The following CCL2 variants were observed in gnomAD, a reference collection of about 807,000 sequenced individuals.
The protein encoded by CCL2 is C-C motif chemokine ligand 2.
In CCL2, 2 loss-of-function variants were observed where a neutral mutation model predicts 6.7. That is an observed-to-expected ratio of 0.30 (90% CI 0.12 to 0.94). The LOEUF is 0.94. Among genes scored for constraint, CCL2 ranks in the 40% least tolerant of loss-of-function variants. The pLI is 0.54. For synonymous variants in CCL2, 43 were observed against 45.2 expected, an observed-to-expected ratio of 0.95 and a Z score of 0.19; for missense variants, 89 against 119.3, an observed-to-expected ratio of 0.75 and a Z score of 1.18.
At chr17:34,256,154 T>C in intron 1 of CCL2, 68 bp from the exon 2 acceptor site, 1 of 1,104,740 alleles carries the variant, frequency 9.1e-7, no homozygotes, top group Non-Finnish European at 1.4e-6. Context: ...CATGACTCTT[T>C]TCTGCTCTTA....
chr17:34,256,616 C>T (rs977958322), intron 2 of CCL2, 106 bp from the exon 3 acceptor site: 4 of 758,730 alleles, frequency 5.3e-6, no homozygotes, highest in Non-Finnish European at 6.7e-6. Context: ...CTTCCACCTG[C>T]GTTCCTCCTC....
chr17:34,257,090 A>C lies in CCL2; in HGVS notation c.*263A>C, dbSNP rs1191743100. 6 of 287,056 alleles carry C rather than the reference A, an allele frequency of 2.1e-5. No individual in the cohort carries two copies. The East Asian group carries it at 3.5e-4, about 17-fold the overall frequency. 17.8% of individuals were successfully genotyped at this position (287,056 alleles called of 1,614,324 possible). A position where few individuals can be genotyped will look rare whatever the true frequency, so the allele number is the denominator to read the frequency against. ...CCTGGGATGTTTTGAGGGTCTTTGCAAGAATCATTAATACAAAGAATTTTT... is the reference window on the plus strand; with the variant it reads ...CCTGGGATGTTTTGAGGGTCTTTGCCAGAATCATTAATACAAAGAATTTTT... On this transcript the variant is annotated 3_prime_UTR_variant, in exon 3 of 3. Coordinates refer to ENST00000225831, the MANE Select transcript of CCL2 (RefSeq NM_002982.4).
At chr17:34,256,608 T>C in intron 2 of CCL2, 114 bp from the exon 3 acceptor site, 1 of 718,252 alleles carries the variant, frequency 1.4e-6, no homozygotes, top group East Asian at 2.6e-5. Flanking sequence ...GTTCCCTCCT[T>C]CCACCTGCGT....
intron 2 of CCL2, 38 bp downstream of exon 2, chr17:34,256,377 C>A (rs780082637): frequency 3.8e-5 from 51 of 1,359,404 alleles, no homozygotes; most frequent in Non-Finnish European, 5.1e-5. Flanking sequence ...GCCTGAAGTT[C>A]TTCCTTGTGG....
chr17:34,256,013 A>G, intron 1 of CCL2: 2 of 522,380 alleles, frequency 3.8e-6, no homozygotes, highest in South Asian at 2.5e-5. Flanking sequence ...TATCAATGTT[A>G]TATACCCATT....
Position 34,255,487 on chromosome 17 carries a change from T to C in CCL2, c.76+62T>C, listed in dbSNP as rs1021579614. 11 of 1,398,700 alleles carry C rather than the reference T, an allele frequency of 7.9e-6. No individual in the cohort carries two copies. In the African/African-American group the frequency reaches 1.1e-4, roughly 14 times the overall value. The allele number at this position is 1,398,700 out of a possible 1,614,324, so 86.6% of individuals were successfully genotyped here. A position where few individuals can be genotyped will look rare whatever the true frequency, so the allele number is the denominator to read the frequency against. ...CTTCTCTCTGAGTTATCATGGACCA[T>C]CCAAGCAGACGTGGTACCCACAGTC... On this transcript the variant is annotated intron_variant, in intron 1 of 2. Coordinates refer to ENST00000225831, the MANE Select transcript of CCL2 (RefSeq NM_002982.4).
Position 34,256,894 on chromosome 17 carries a change from G to T in CCL2, c.*67G>T. ...TCCCCTAGCTTTCCCCAGACACCCT[G>T]TTTTATTTTATTATAATGAATTTTG... On this transcript the variant is annotated 3_prime_UTR_variant, in exon 3 of 3. Transcript: ENST00000225831. The T allele has an allele frequency of 1.1e-6, 1 of 889,100 alleles. No homozygotes were observed. The highest frequency in any genetic ancestry group is 1.8e-6 in the Non-Finnish European group (1 of 554,956). 55.1% of individuals were successfully genotyped at this position (889,100 alleles called of 1,614,324 possible). A position where few individuals can be genotyped will look rare whatever the true frequency, so the allele number is the denominator to read the frequency against.
At chr17:34,256,636 TG>T in intron 2 of CCL2, 85 bp from the exon 3 acceptor site, 1 of 909,070 alleles carries the variant, frequency 1.1e-6, no homozygotes, top group South Asian at 1.5e-5. Flanking sequence ...CTAGCTCCCA[TG>T]GCAGCCCTTT....
At chr17:34,255,522 C>A in intron 1 of CCL2, 97 bp downstream of exon 1, 1 of 1,068,840 alleles carries the variant, frequency 9.4e-7, no homozygotes, top group Non-Finnish European at 1.4e-6. Context: ...CTTGCTTTAA[C>A]GCTACTTTTC....
In CCL2 at chr17:34,255,937, T is replaced by G. The variant is rs530859960; in HGVS notation, c.77-285T>G. The stretch of plus-strand genomic sequence containing the variant: ...CCCTGGTGCTGATCATCTGGATTAT[T>G]GGTCCGTCTTAATGACACTTGTAGG... On this transcript the variant is annotated intron_variant, in intron 1 of 2. Coordinates refer to ENST00000225831, the MANE Select transcript of CCL2 (RefSeq NM_002982.4). 3.3e-5 allele frequency: 11 copies of G among 333,096 alleles called. 1 individual carries two copies. Among genetic ancestry groups the G allele is most frequent in the African/African-American group, 2.3e-4 (11 of 47,180 alleles). 20.6% of individuals were successfully genotyped at this position (333,096 alleles called of 1,614,324 possible).
rs1248783318 is a variant in CCL2, at chr17:34,255,424, A to G, written c.75A>G (p.Pro25=). ...ATFIPQGLAQ[P]DAINAPVTCC... ...TCATTCCCCAAGGGCTCGCTCAGCCAGGTAAGGCCCCCTCTTCTTCTCCTT... is the reference window on the plus strand; with the variant it reads ...TCATTCCCCAAGGGCTCGCTCAGCCGGGTAAGGCCCCCTCTTCTTCTCCTT... Residue 25 remains proline (P), a splice_region_variant and synonymous_variant, in exon 1 of 3, where the codon CCA becomes CCG. Transcript: ENST00000225831. The G allele has an allele frequency of 6.2e-7, 1 of 1,613,408 alleles. No homozygotes were observed.
At chr17:34,255,839 G>A (rs184397286) in intron 1 of CCL2, 80 of 260,128 alleles carry the variant, frequency 3.1e-4, no homozygotes, top group Non-Finnish European at 2.0e-4. Context: ...TGAGTATCAG[G>A]GAAACTCATG....
chr17:34,256,881 C>G lies in CCL2; in HGVS notation c.*54C>G, dbSNP rs1385558358. 1.9e-5 allele frequency: 20 copies of G among 1,068,662 alleles called. No individual in the cohort carries two copies. Among genetic ancestry groups the G allele is most frequent in the Non-Finnish European group, 2.7e-5 (19 of 696,764 alleles). 66.2% of individuals were successfully genotyped at this position (1,068,662 alleles called of 1,614,324 possible). On this transcript the variant is annotated 3_prime_UTR_variant, in exon 3 of 3. Coordinates refer to ENST00000225831, the MANE Select transcript of CCL2 (RefSeq NM_002982.4). ...AGCTAACTTATTTTCCCCTAGCTTT[C>G]CCCAGACACCCTGTTTTATTTTATT...
intron 1 of CCL2, 90 bp from the exon 2 acceptor site, chr17:34,256,132 T>C: frequency 1.2e-6 from 1 of 835,444 alleles, no homozygotes; most frequent in Non-Finnish European, 2.0e-6. Context: ...TGCCTGCCTT[T>C]TGCTTTTTCC....
intron 1 of CCL2, 119 bp downstream of exon 1, chr17:34,255,544 G>A (rs1567640794): frequency 2.3e-6 from 2 of 876,262 alleles, no homozygotes; most frequent in African/African-American, 1.7e-5. Flanking sequence ...AAGATAAGGT[G>A]ACTCAGAAAA....
intron 2 of CCL2, 98 bp downstream of exon 2, chr17:34,256,437 C>T: frequency 1.2e-6 from 1 of 835,942 alleles, no homozygotes. Context: ...CACTATTTAA[C>T]TTAATGTACA....
intron 1 of CCL2, chr17:34,255,774 C>T (rs1013118739): frequency 6.8e-6 from 2 of 294,352 alleles, no homozygotes; most frequent in Non-Finnish European, 1.3e-5. Context: ...GACCCAGAAT[C>T]TGGTCTGTGC....
intron 2 of CCL2, 63 bp from the exon 3 acceptor site, chr17:34,256,659 G>C: frequency 8.7e-7 from 1 of 1,146,628 alleles, no homozygotes; most frequent in Non-Finnish European, 1.3e-6. Context: ...GTGCAGAATG[G>C]GCTGCACTTC....
rs1049138445 is a variant in CCL2 at position 34,256,940 on chromosome 17, T to C, written c.*113T>C. On this transcript the variant is annotated 3_prime_UTR_variant, in exon 3 of 3. Transcript: ENST00000225831. The stretch of plus-strand genomic sequence containing the variant: ...TTTTGTTTGTTGATGTGAAACATTA[T>C]GCCTTAAGTAATGTTAATTCTTATT... The C allele has an allele frequency of 3.2e-6, 2 of 617,252 alleles. No homozygotes were observed. Among genetic ancestry groups the C allele is most frequent in the Non-Finnish European group, 5.8e-6 (2 of 343,412 alleles). The allele number at this position is 617,252 out of a possible 1,614,324, so 38.2% of individuals were successfully genotyped here.
Sources: gnomAD v4.1 joint callset for allele counts on GRCh38, gnomAD v4.1.1 for gene constraint, MANE v1.5 for transcripts, NCBI Gene and HGNC (gene_info 2026-07-23, HGNC 2026-07-21) for gene names.